Variants in CSMD1 observed in about 807,000 individuals in gnomAD.
The protein encoded by CSMD1 is CUB and sushi domain-containing protein 1.
CSMD1 carries 213 observed loss-of-function variants against 417.5 expected under a neutral mutation model. The observed-to-expected ratio is 0.51, with a 90% confidence interval of 0.46 to 0.57. CSMD1 has a LOEUF of 0.57. Ranked by LOEUF, CSMD1 falls within the 20% of genes least tolerant of loss-of-function variation. The pLI, the probability that CSMD1 is intolerant of heterozygous loss-of-function variation, is 0.00. For missense variants in CSMD1, 6,923 were observed against 4,529.7 expected, an observed-to-expected ratio of 1.53 and a Z score of -15.17; for synonymous variants, 2,862 against 1,736.8, an observed-to-expected ratio of 1.65 and a Z score of -16.11.
intron 3 of CSMD1, among the ~76,000 whole-genome samples, chr8:4,053,955 T>C (rs1231853797): frequency 6.6e-6 from 1 of 152,176 alleles, no homozygotes; most frequent in Non-Finnish European, 1.5e-5. Flanking sequence ...GCATTCTTTA[T>C]TACCGTGCAT....
At chr8:4,039,631 G>C (rs936005524) in intron 3 of CSMD1, among the ~76,000 whole-genome samples, 1 of 152,196 alleles carries the variant, frequency 6.6e-6, no homozygotes, top group African/African-American at 2.4e-5. Context: ...CAGTGAAAGA[G>C]AAGGACCTCA....
chr8:3,988,934 G>T (rs1022307964), intron 5 of CSMD1, among the ~76,000 whole-genome samples: 95 of 152,270 alleles, frequency 6.2e-4, no homozygotes, highest in Admixed American at 3.2e-3. Context: ...GAAGTTAACA[G>T]CTTTTATAAC....
At chr8:3,211,094 G>C (rs1047066562) in intron 30 of CSMD1, among the ~76,000 whole-genome samples, 1 of 152,112 alleles carries the variant, frequency 6.6e-6, no homozygotes, top group Non-Finnish European at 1.5e-5. Flanking sequence ...GCCCAGGCTG[G>C]AGTGCAGTGA....
chr8:3,099,010 C>T (rs1257590065), intron 46 of CSMD1, among the ~76,000 whole-genome samples: 4 of 151,912 alleles, frequency 2.6e-5, no homozygotes, highest in South Asian at 2.1e-4. Context: ...AAAAGCTTCT[C>T]GGTACTGCCG....
chr8:2,938,568 T>G lies in CSMD1; in HGVS notation c.*17A>C. 6.2e-7 allele frequency: 1 copy of G among 1,606,488 alleles called. No homozygotes were observed. The highest frequency in any genetic ancestry group is 8.5e-7 in the Non-Finnish European group (1 of 1,176,048). ...CAGAGGTATGGCTATGAATCAGTCC[T>G]GTTGGGGCACTGAGGGCTATACCAC... On this transcript the variant is annotated 3_prime_UTR_variant, in exon 70 of 70. Coordinates refer to ENST00000635120, the MANE Select transcript of CSMD1 (RefSeq NM_033225.6).
At chr8:4,730,592 T>G (rs1316257737) in intron 1 of CSMD1, among the ~76,000 whole-genome samples, 1 of 151,716 alleles carries the variant, frequency 6.6e-6, no homozygotes, top group Admixed American at 6.6e-5. Context: ...TACAAAAAAA[T>G]TAGCCGGGCG....
At chr8:3,663,421 G>C (rs28711966) in intron 7 of CSMD1, among the ~76,000 whole-genome samples, 3 of 151,958 alleles carry the variant, frequency 2.0e-5, no homozygotes, top group Admixed American at 6.6e-5. Flanking sequence ...TGGACAGGAA[G>C]GACTCAAGAG....
chr8:3,166,780 C>G (rs1212779799), intron 37 of CSMD1, among the ~76,000 whole-genome samples: 1 of 152,008 alleles, frequency 6.6e-6, no homozygotes, highest in African/African-American at 2.4e-5. Context: ...ATTCTTAAGG[C>G]AGACTAAAAA....
At chr8:3,164,932 C>G (rs972159586) in intron 37 of CSMD1, among the ~76,000 whole-genome samples, 8 of 151,688 alleles carry the variant, frequency 5.3e-5, no homozygotes, top group African/African-American at 1.9e-4. Context: ...TTTCTCCTTT[C>G]TTGAATTCTA....
chr8:3,031,626 T>C (rs898411683), intron 50 of CSMD1, among the ~76,000 whole-genome samples: 3 of 151,964 alleles, frequency 2.0e-5, no homozygotes, highest in African/African-American at 4.8e-5. Flanking sequence ...TCCTGAAGTC[T>C]TGGGTCAAGT....
intron 3 of CSMD1, among the ~76,000 whole-genome samples, chr8:4,335,474 A>G (rs1005885833): frequency 2.6e-5 from 4 of 152,076 alleles, no homozygotes; most frequent in African/African-American, 9.7e-5. Flanking sequence ...ATTTATATGG[A>G]CTCCAGAATA....
At chr8:3,234,455 G>C (rs1480421304) in intron 26 of CSMD1, among the ~76,000 whole-genome samples, 2 of 152,122 alleles carry the variant, frequency 1.3e-5, no homozygotes, top group African/African-American at 4.8e-5. Flanking sequence ...GTTTTGAACA[G>C]GGGAATCTCA....
chr8:3,423,274 A>C (rs775153781), intron 12 of CSMD1, among the ~76,000 whole-genome samples: 1 of 152,184 alleles, frequency 6.6e-6, no homozygotes, highest in South Asian at 2.1e-4. Context: ...CACCAAAATC[A>C]TGGTATGGAG....
chr8:3,547,236 G>C (rs900051420), intron 10 of CSMD1, among the ~76,000 whole-genome samples: 5 of 152,168 alleles, frequency 3.3e-5, no homozygotes, highest in African/African-American at 9.7e-5. Context: ...AAGTGAGCAA[G>C]CCTCTTCTTG....
chr8:3,534,204 A>G (rs1400540670), intron 10 of CSMD1, among the ~76,000 whole-genome samples: 1 of 152,184 alleles, frequency 6.6e-6, no homozygotes, highest in Non-Finnish European at 1.5e-5. Context: ...CACTCCTGCA[A>G]TGCCACGCCC....
intron 1 of CSMD1, among the ~76,000 whole-genome samples, chr8:4,768,232 T>A (rs867475116): frequency 2.0e-5 from 3 of 152,144 alleles, no homozygotes; most frequent in Non-Finnish European, 4.4e-5. Flanking sequence ...CCATGAGTGC[T>A]GCTCTGTGGG....
At chr8:2,964,321 C>A (rs944876110) in intron 59 of CSMD1, among the ~76,000 whole-genome samples, 1 of 152,248 alleles carries the variant, frequency 6.6e-6, no homozygotes, top group African/African-American at 2.4e-5. Context: ...CCACCTTCTA[C>A]TGATCTGTTC....
At chr8:4,480,871 G>T (rs1419876924) in intron 2 of CSMD1, among the ~76,000 whole-genome samples, 4 of 152,132 alleles carry the variant, frequency 2.6e-5, no homozygotes, top group Non-Finnish European at 1.5e-5. Context: ...TGGGTCCCTG[G>T]TTAAAGATCT....
chr8:3,372,661 G>C (rs954226719), intron 18 of CSMD1, among the ~76,000 whole-genome samples: 1 of 152,142 alleles, frequency 6.6e-6, no homozygotes, highest in African/African-American at 2.4e-5. Flanking sequence ...AGGTGAAGGA[G>C]ATCTCAGGAG....
Sources: allele counts gnomAD v4.1 joint callset (sites outside exome capture counted in the v4.1 genomes callset), GRCh38; gene constraint gnomAD v4.1.1; transcripts MANE v1.5; gene names NCBI Gene and HGNC (gene_info 2026-07-23, HGNC 2026-07-21).